The following EML5 variants were observed in gnomAD, a reference collection of about 807,000 sequenced individuals.
EML5 encodes the protein EMAP like 5, also known as echinoderm microtubule-associated protein-like 5.
EML5 carries 120 observed loss-of-function variants against 250.0 expected under a neutral mutation model. The observed-to-expected ratio is 0.48, with a 90% CI of 0.41 to 0.56. EML5 has a LOEUF of 0.56. Ranked by LOEUF, EML5 falls within the 20% of genes least tolerant of loss-of-function variation. EML5 has a pLI of 0.00. For missense variants in EML5, 2,006 were observed against 2,437.6 expected (o/e 0.82, Z 3.73); for synonymous variants, 771 against 806.5 (o/e 0.96, Z 0.75).
rs377568249 is a variant in EML5 at position 88,694,377 on chromosome 14, C to T, written c.2469G>A (p.Lys823=). The part of the protein sequence containing the change: ...RGSKDKIFVV[K]MNPYVPDKLI... Reference sequence around the variant, plus strand: ...GTTTATCAGGCACATAGGGGTTCATCTTTACAACAAAAATCTTATCTTTAC... The same window carrying T: ...GTTTATCAGGCACATAGGGGTTCATTTTTACAACAAAAATCTTATCTTTAC... Residue 823 remains lysine, a synonymous_variant, in exon 17 of 44, where the codon AAG becomes AAA. Coordinates refer to ENST00000554922, the MANE Select transcript of EML5 (RefSeq NM_183387.3). The T allele has an allele frequency of 1.2e-5, 19 of 1,589,226 alleles. No individual in the cohort carries two copies. In the African/African-American group the frequency reaches 2.1e-4, roughly 18 times the overall value.
chr14:88,616,287 G>A, intron 42 of EML5, 45 bp from the exon 43 acceptor site: 1 of 1,559,206 alleles, frequency 6.4e-7, no homozygotes, highest in East Asian at 2.2e-5. Context: ...GGTGCACACA[G>A]AAGTCAAAGG....
intron 35 of EML5, chr14:88,625,526 C>G (rs1339351894): frequency 6.5e-6 from 1 of 154,890 alleles, no homozygotes; most frequent in East Asian, 1.9e-4. Flanking sequence ...CTCAGCCTCC[C>G]AAGTAGCTGG....
At chr14:88,697,011 T>A in intron 14 of EML5, 59 bp from the exon 15 acceptor site, 1 of 1,079,944 alleles carries the variant, frequency 9.3e-7, no homozygotes, top group Non-Finnish European at 1.3e-6. Flanking sequence ...CCATATCTAC[T>A]AAAAGGAAAT....
Position 88,689,659 on chromosome 14 carries a change from G to A in EML5, c.2540-1186C>T, listed in dbSNP as rs373503555. ...TGAGGCAGGAGGCTAGCTTGAGCCT[G>A]AGAGGCAGAGGTTGCAGTGAGCCAT... On this transcript the variant is annotated intron_variant, in intron 17 of 43. Transcript: ENST00000554922. 5.9e-5 allele frequency among the ~76,000 whole-genome samples: 9 copies of A among 152,274 alleles called. No homozygotes were observed. The South Asian group carries it at 1.5e-3, about 25-fold the overall frequency.
At chr14:88,705,628 G>T (rs1347124229) in intron 11 of EML5, 40 bp from the exon 12 acceptor site, 2 of 1,442,468 alleles carry the variant, frequency 1.4e-6, no homozygotes, top group Admixed American at 4.0e-5. Context: ...GTTTAAAGAA[G>T]ATTCATTTTC....
At chr14:88,731,325 T>C (rs2093754601) in intron 7 of EML5, among the ~76,000 whole-genome samples, 1 of 23,178 alleles carries the variant, frequency 4.3e-5, no homozygotes, top group East Asian at 0.038. Flanking sequence ...CAGTGTTTGG[T>C]TTTTGTCCTT....
intron 8 of EML5, among the ~76,000 whole-genome samples, chr14:88,722,759 A>AT (rs1291241611): frequency 6.6e-6 from 1 of 152,016 alleles, no homozygotes; most frequent in East Asian, 1.9e-4. Flanking sequence ...CCAAGGTCTG[A>AT]TTTTTCATAA....
intron 7 of EML5, among the ~76,000 whole-genome samples, chr14:88,730,815 G>A (rs1206247482): frequency 6.6e-6 from 1 of 152,170 alleles, no homozygotes; most frequent in African/African-American, 2.4e-5. Context: ...CTAACTGATG[G>A]TGGGAAAAAA....
At chr14:88,774,373 TAAG>T (rs1405043336) in intron 1 of EML5, among the ~76,000 whole-genome samples, 1 of 152,216 alleles carries the variant, frequency 6.6e-6, no homozygotes, top group African/African-American at 2.4e-5. Context: ...AATCTGTTTT[TAAG>T]AAATGTTATG....
rs746200782 is a variant in EML5 at position 88,746,311 on chromosome 14, G to A, written c.358-28C>T. On this transcript the variant is annotated intron_variant, in intron 2 of 43. Transcript: ENST00000554922. ...GATTTATGTCCAAGAAGTCCAGGAAGGAATAAAAAGGCAAACAAATCAAAG... is the reference window on the plus strand; with the variant it reads ...GATTTATGTCCAAGAAGTCCAGGAAAGAATAAAAAGGCAAACAAATCAAAG... 21 of 1,557,300 alleles carry A rather than the reference G, an allele frequency of 1.3e-5. No individual in the cohort carries two copies. The East Asian group carries it at 4.1e-4, about 30-fold the overall frequency.
chr14:88,704,305 C>G (rs1459259733), intron 13 of EML5, among the ~76,000 whole-genome samples: 1 of 152,158 alleles, frequency 6.6e-6, no homozygotes, highest in Admixed American at 6.6e-5. Flanking sequence ...CACCTGCTCC[C>G]CCTTTGCCTT....
At chr14:88,729,437 A>G (rs1417671639) in intron 7 of EML5, among the ~76,000 whole-genome samples, 3 of 152,168 alleles carry the variant, frequency 2.0e-5, no homozygotes. Context: ...TAATTTTTAC[A>G]TTTTTAAATG....
chr14:88,683,485 T>TATA (rs1382636724), intron 20 of EML5, among the ~76,000 whole-genome samples: 2 of 152,306 alleles, frequency 1.3e-5, no homozygotes, highest in East Asian at 3.9e-4. Context: ...TGAATTATGT[T>TATA]ATACAGCCAT....
chr14:88,694,909 A>G (rs1041378014), intron 16 of EML5, among the ~76,000 whole-genome samples: 2 of 152,194 alleles, frequency 1.3e-5, no homozygotes, highest in Non-Finnish European at 2.9e-5. Context: ...AGCATTGTTA[A>G]TATTACTATA....
intron 1 of EML5, among the ~76,000 whole-genome samples, chr14:88,784,055 G>T (rs1595884083): frequency 6.6e-6 from 1 of 152,018 alleles, no homozygotes; most frequent in African/African-American, 2.4e-5. Flanking sequence ...ATGACCAGTG[G>T]GTCCATGAAG....
chr14:88,742,053 A>G (rs1470769665), intron 4 of EML5, among the ~76,000 whole-genome samples: 2 of 152,126 alleles, frequency 1.3e-5, no homozygotes, highest in Admixed American at 6.6e-5. Context: ...GTGATTCCCA[A>G]TGTTAGCTTC....
chr14:88,721,455 T>A (rs1282541789), intron 8 of EML5, among the ~76,000 whole-genome samples: 1 of 152,044 alleles, frequency 6.6e-6, no homozygotes, highest in Non-Finnish European at 1.5e-5. Flanking sequence ...AATTCAGAAA[T>A]AAGACCACAC....
Position 88,688,489 on chromosome 14 carries a change from T to C in EML5, c.2540-16A>G. 6.2e-7 allele frequency: 1 copy of C among 1,611,698 alleles called. No homozygotes were observed. Among genetic ancestry groups the C allele is most frequent in the Non-Finnish European group, 8.5e-7 (1 of 1,179,000 alleles). ...AATCCTCCCCCTAGTTCACAAAAAA[T>C]ATTATGAAAGTACCACTTTCAAAAT... On this transcript the variant is annotated splice_polypyrimidine_tract_variant and intron_variant, in intron 17 of 43. Coordinates refer to ENST00000554922, the MANE Select transcript of EML5 (RefSeq NM_183387.3).
At chr14:88,755,829 C>CA (rs370250872) in intron 1 of EML5, among the ~76,000 whole-genome samples, 1,599 of 149,642 alleles carry the variant, frequency 0.011, 25 homozygotes, top group African/African-American at 0.037. Flanking sequence ...ATTGTCTCTA[C>CA]AAAAAAAAAA....
Sources: gnomAD v4.1 joint callset for allele counts (sites outside exome capture counted in the v4.1 genomes callset) on GRCh38, gnomAD v4.1.1 for gene constraint, MANE v1.5 for transcripts, NCBI Gene and HGNC (gene_info 2026-07-23, HGNC 2026-07-21) for gene names.